LTBP1: variants seen among roughly 807,000 people sequenced by gnomAD.
LTBP1 encodes latent-transforming growth factor beta-binding protein 1.
In LTBP1, 129 loss-of-function variants were observed where a neutral mutation model predicts 207.6. The observed-to-expected ratio is 0.62, with a 90% CI of 0.54 to 0.72. LTBP1 has a LOEUF of 0.72. Ranked by LOEUF, LTBP1 falls within the 30% of genes least tolerant of loss-of-function variation. The probability of loss-of-function intolerance (pLI) is 0.00; values close to 1 mark genes in which losing one functional copy is unlikely to be tolerated. For missense variants in LTBP1, 2,281 were observed against 2,217.2 expected, an observed-to-expected ratio of 1.03 and a Z score of -0.58; for synonymous variants, 963 against 833.7, an observed-to-expected ratio of 1.16 and a Z score of -2.67.
intron 5 of LTBP1, among the ~76,000 whole-genome samples, chr2:33,153,032 T>C (rs373213898): frequency 5.3e-5 from 8 of 152,182 alleles, no homozygotes; most frequent in South Asian, 4.1e-4. Flanking sequence ...ATCATTTTGT[T>C]GAATATGAAA....
chr2:33,077,337 G>A (rs1269760712), intron 3 of LTBP1, among the ~76,000 whole-genome samples: 1 of 152,200 alleles, frequency 6.6e-6, no homozygotes, highest in East Asian at 1.9e-4. Context: ...TTCTTGCCCT[G>A]CTATAAATAA....
rs115759458 is a variant in LTBP1, at chr2:32,982,538, C to T, written c.565+33593C>T. On this transcript the variant is annotated intron_variant, in intron 2 of 33. Transcript: ENST00000404816. Reference sequence around the variant, plus strand: ...ATCACCAAGACAGTGGGGAAAATGTCTCCAGGACATGTCAGAGACTTTCAT... The same window carrying T: ...ATCACCAAGACAGTGGGGAAAATGTTTCCAGGACATGTCAGAGACTTTCAT... Among the ~76,000 whole-genome samples, 587 of 152,268 alleles carry T rather than the reference C, an allele frequency of 3.9e-3. 6 individuals carry two copies. The highest frequency in any genetic ancestry group is 0.014 in the African/African-American group (563 of 41,542).
At position 33,222,058 on chromosome 2, in the gene LTBP1, C is replaced by T. The variant is rs761121457; in HGVS notation, c.1805-22C>T. On this transcript the variant is annotated intron_variant, in intron 8 of 33. Transcript: ENST00000404816. The stretch of plus-strand genomic sequence containing the variant: ...AGATTGTAAGAATTTAAGTATGTAA[C>T]AAAGCATTTCTTCCCTTACAGCTTA... 1.9e-6 allele frequency: 3 copies of T among 1,574,642 alleles called. No individual in the cohort carries two copies. The African/African-American group carries it at 4.0e-5, about 21-fold the overall frequency.
chr2:33,322,638 C>A (rs984419048), intron 24 of LTBP1, among the ~76,000 whole-genome samples: 1 of 152,186 alleles, frequency 6.6e-6, no homozygotes, highest in Non-Finnish European at 1.5e-5. Context: ...TTGCACCTGT[C>A]TTCTCATTTA....
chr2:33,191,967 C>T (rs1029364334), intron 7 of LTBP1, among the ~76,000 whole-genome samples: 14 of 152,104 alleles, frequency 9.2e-5, no homozygotes, highest in African/African-American at 2.7e-4. Context: ...CTGTGATCAA[C>T]GTATTTAAAT....
intron 2 of LTBP1, among the ~76,000 whole-genome samples, chr2:32,985,102 A>G (rs1683340191): frequency 6.6e-6 from 1 of 152,334 alleles, no homozygotes; most frequent in East Asian, 1.9e-4. Flanking sequence ...AATATTGCTA[A>G]ACTAGGATCG....
intron 5 of LTBP1, among the ~76,000 whole-genome samples, chr2:33,146,422 A>G (rs1348222080): frequency 6.6e-6 from 1 of 152,216 alleles, no homozygotes; most frequent in South Asian, 2.1e-4. Flanking sequence ...CCAGGCAGAC[A>G]TGGGCAGAGC....
chr2:33,062,143 A>G (rs1190058536), intron 3 of LTBP1, among the ~76,000 whole-genome samples: 1 of 152,084 alleles, frequency 6.6e-6, no homozygotes, highest in Non-Finnish European at 1.5e-5. Flanking sequence ...TTGCTCATTT[A>G]TTAATCAGCT....
intron 3 of LTBP1, among the ~76,000 whole-genome samples, chr2:33,089,165 AAAAAAAAG>A (rs2078936238): frequency 6.6e-6 from 1 of 151,452 alleles, no homozygotes; most frequent in Non-Finnish European, 1.5e-5. Context: ...CAAAAAAAAA[AAAAAAAAG>A]AAAAAAAGAA....
rs529942077 is a variant in LTBP1, at chr2:33,125,554, C to T, written c.1034-9239C>T. Among the ~76,000 whole-genome samples the T allele has an allele frequency of 2.1e-3, 314 of 152,122 alleles. 1 individual carries two copies. Among genetic ancestry groups the T allele is most frequent in the Non-Finnish European group, 4.0e-3 (270 of 67,982 alleles). ...GCATAAAAAATTACTCCAAACTGGC[C>T]GGGCACGGTGGCTCACGCTTGTAAT... On this transcript the variant is annotated intron_variant, in intron 4 of 33. Coordinates refer to ENST00000404816, the MANE Select transcript of LTBP1 (RefSeq NM_206943.4).
intron 10 of LTBP1, among the ~76,000 whole-genome samples, chr2:33,246,684 T>C (rs997365399): frequency 5.9e-5 from 9 of 152,122 alleles, no homozygotes; most frequent in Non-Finnish European, 1.2e-4. Flanking sequence ...CACATGGTTA[T>C]GGCCAAGGAA....
chr2:33,319,393 C>T (rs1374432247), intron 24 of LTBP1, among the ~76,000 whole-genome samples: 1 of 151,100 alleles, frequency 6.6e-6, no homozygotes, highest in East Asian at 1.9e-4. Flanking sequence ...AGTGAAACTA[C>T]ATCTCAAAAG....
At chr2:33,034,855 TA>T (rs200129992) in intron 3 of LTBP1, among the ~76,000 whole-genome samples, 50 of 147,758 alleles carry the variant, frequency 3.4e-4, no homozygotes, top group East Asian at 1.2e-3. Context: ...AGGGTTTAAA[TA>T]AAAAAAAAAG....
chr2:33,273,618 C>T (rs747962764), intron 15 of LTBP1, 38 bp from the exon 16 acceptor site: 4 of 1,543,782 alleles, frequency 2.6e-6, no homozygotes, highest in African/African-American at 2.8e-5. Context: ...CTGTTCATTT[C>T]TGTGGGTTTT....
chr2:33,149,228 C>CAAAAAAAAAA lies in LTBP1; in HGVS notation c.1201+14286_1201+14295dup, dbSNP rs58303103. On this transcript the variant is annotated intron_variant, in intron 5 of 33. Transcript: ENST00000404816. ...AGACTCCGTCTCACTCACAAAAAAA[C>CAAAAAAAAAA]AAAAAAAAAAAAAAAAAAAAAAAAA... 1.2e-3 allele frequency among the ~76,000 whole-genome samples: 97 copies of CAAAAAAAAAA among 82,792 alleles called. 1 individual carries two copies. Among genetic ancestry groups the CAAAAAAAAAA allele is most frequent in the Non-Finnish European group, 1.6e-3 (69 of 44,440 alleles). The allele number at this position is 82,792 out of a possible 152,430, so 54.3% of individuals were successfully genotyped here. A position where few individuals can be genotyped will look rare whatever the true frequency, so the allele number is the denominator to read the frequency against.
intron 24 of LTBP1, among the ~76,000 whole-genome samples, chr2:33,319,775 G>A (rs1289034546): frequency 6.6e-6 from 1 of 152,142 alleles, no homozygotes; most frequent in Non-Finnish European, 1.5e-5. Context: ...GGGACCCCAA[G>A]GAGCCCAGCC....
chr2:33,186,729 C>A lies in LTBP1; in HGVS notation c.1202-127C>A, dbSNP rs2087245390. The A allele has an allele frequency of 8.8e-6, 6 of 682,168 alleles. No homozygotes were observed. In the African/African-American group the frequency reaches 1.1e-4, roughly 12 times the overall value. 42.3% of individuals were successfully genotyped at this position (682,168 alleles called of 1,614,324 possible). A position where few individuals can be genotyped will look rare whatever the true frequency, so the allele number is the denominator to read the frequency against. On this transcript the variant is annotated intron_variant, in intron 5 of 33. Transcript: ENST00000404816. Reference sequence around the variant, plus strand: ...ATAGCGAGTTTACTCCTCTGTTTACCATTTCTAAAGGTCATGGGACTCTGA... The same window carrying A: ...ATAGCGAGTTTACTCCTCTGTTTACAATTTCTAAAGGTCATGGGACTCTGA...
chr2:33,072,803 A>G (rs2077865061), intron 3 of LTBP1, among the ~76,000 whole-genome samples: 1 of 152,218 alleles, frequency 6.6e-6, no homozygotes, highest in Non-Finnish European at 1.5e-5. Flanking sequence ...GCAGAGGGAA[A>G]AAGTTATGGA....
intron 2 of LTBP1, among the ~76,000 whole-genome samples, chr2:32,974,891 C>A (rs1370289859): frequency 6.6e-6 from 1 of 152,208 alleles, no homozygotes; most frequent in Admixed American, 6.5e-5. Flanking sequence ...AAGGTTAATA[C>A]TGACGTGTGG....
Sources: gnomAD v4.1 joint callset for allele counts (sites outside exome capture counted in the v4.1 genomes callset) on GRCh38, gnomAD v4.1.1 for gene constraint, MANE v1.5 for transcripts, NCBI Gene and HGNC (gene_info 2026-07-23, HGNC 2026-07-21) for gene names.